KDM4B: variants seen among roughly 807,000 people sequenced by gnomAD.
The protein encoded by KDM4B is lysine demethylase 4B.
Under a neutral mutation model 125.2 loss-of-function variants are expected in KDM4B, and 32 were observed. That is an observed-to-expected ratio of 0.26 (90% CI 0.19 to 0.34). The LOEUF is 0.34. Ranked by LOEUF, KDM4B falls within the 10% of genes least tolerant of loss-of-function variation. The pLI, the probability that KDM4B is intolerant of heterozygous loss-of-function variation, is 1.00. For synonymous variants in KDM4B, 721 were observed against 677.9 expected (o/e 1.06, Z -0.99); for missense variants, 1,190 against 1,577.7 (o/e 0.75, Z 4.16).
intron 1 of KDM4B, among the ~76,000 whole-genome samples, chr19:4,990,257 T>C (rs2034990766): frequency 1.3e-5 from 2 of 152,174 alleles, no homozygotes; most frequent in Admixed American, 1.3e-4. Context: ...ACCAGTGTGC[T>C]CCAGCCTGGG....
At chr19:4,987,720 C>T (rs1026243319) in intron 1 of KDM4B, among the ~76,000 whole-genome samples, 2 of 152,172 alleles carry the variant, frequency 1.3e-5, no homozygotes, top group African/African-American at 4.8e-5. Context: ...CCACTGCGCC[C>T]GGCCAGTATA....
At chr19:5,101,530 G>GA (rs941060505) in intron 9 of KDM4B, among the ~76,000 whole-genome samples, 86 of 140,412 alleles carry the variant, frequency 6.1e-4, no homozygotes, top group South Asian at 8.9e-4. Context: ...AAGACTGTCT[G>GA]AAAAAAAAAA....
At position 5,082,529 on chromosome 19, in the gene KDM4B, G is replaced by A. The variant is rs370687908; in HGVS notation, c.918+25G>A. 1 of 1,561,038 alleles carries A rather than the reference G, an allele frequency of 6.4e-7. No homozygotes were observed. Among genetic ancestry groups the A allele is most frequent in the Non-Finnish European group, 8.7e-7 (1 of 1,155,798 alleles). On this transcript the variant is annotated intron_variant, in intron 9 of 22. Transcript: ENST00000159111. This position sits in a 1 kb window ranked among gnomAD's most constrained non-coding sequence, Gnocchi z 5.4. ...GGTAAAAGCTTGCCTGCTGGGAACG[G>A]GTCCCAGCAGGGCGGGAGGAGGCTC... is the stretch of plus-strand genomic sequence containing the variant.
At chr19:5,137,772 C>T in intron 17 of KDM4B, 96 bp downstream of exon 17, 2 of 1,225,926 alleles carry the variant, frequency 1.6e-6, no homozygotes, top group Non-Finnish European at 2.3e-6. Context: ...AGGGGTTGAC[C>T]ATCACCTCCA....
intron 5 of KDM4B, among the ~76,000 whole-genome samples, chr19:5,041,651 G>A (rs921865159): frequency 1.3e-5 from 2 of 152,240 alleles, no homozygotes; most frequent in Non-Finnish European, 2.9e-5. Context: ...CTTGGGCTCA[G>A]GGCCCGGAGA....
intron 1 of KDM4B, among the ~76,000 whole-genome samples, chr19:4,987,429 ATCTG>A (rs2034875622): frequency 1.3e-5 from 2 of 151,752 alleles, no homozygotes; most frequent in Admixed American, 6.6e-5. Context: ...CAGGGCTGGA[ATCTG>A]TCTGGGAGGA....
At position 5,119,297 on chromosome 19, in the gene KDM4B, G is replaced by A. The variant is rs1034341916; in HGVS notation, c.1116-356G>A. On this transcript the variant is annotated intron_variant, in intron 10 of 22. Coordinates refer to ENST00000159111, the MANE Select transcript of KDM4B (RefSeq NM_015015.3). ...GTTTCCCTCGGAGCTCACACTCCCT[G>A]TGTCTCTGTCCCGTGGCACACGCGG... 105 of 1,023,814 alleles carry A rather than the reference G, an allele frequency of 1.0e-4. No individual in the cohort carries two copies. In the African/African-American group the frequency reaches 1.4e-3, roughly 14 times the overall value. 63.4% of individuals were successfully genotyped at this position (1,023,814 alleles called of 1,614,324 possible).
At chr19:4,972,823 G>A (rs778187330) in intron 1 of KDM4B, among the ~76,000 whole-genome samples, 2 of 152,212 alleles carry the variant, frequency 1.3e-5, no homozygotes, top group African/African-American at 2.4e-5. Context: ...CTGTCCTTCT[G>A]CCCTTCCAGG....
At chr19:5,103,144 G>A (rs1031394587) in intron 9 of KDM4B, among the ~76,000 whole-genome samples, 1 of 152,102 alleles carries the variant, frequency 6.6e-6, no homozygotes, top group Admixed American at 6.5e-5. Flanking sequence ...CAGAGCCCAG[G>A]GCCAATGTGT....
intron 2 of KDM4B, among the ~76,000 whole-genome samples, chr19:5,016,723 C>T (rs1226076311): frequency 2.0e-5 from 3 of 152,224 alleles, no homozygotes; most frequent in Admixed American, 6.5e-5. Flanking sequence ...CCCCCACACA[C>T]TGTCAGAAGT....
chr19:5,077,651 A>G (rs756640037), intron 8 of KDM4B, 181 bp downstream of exon 8: 1 of 581,176 alleles, frequency 1.7e-6, no homozygotes, highest in Non-Finnish European at 3.0e-6. Flanking sequence ...TCCACGGGGA[A>G]GCGAAGATGG....
At chr19:5,047,775 A>G in intron 6 of KDM4B, 106 bp downstream of exon 6, 2 of 1,100,430 alleles carry the variant, frequency 1.8e-6, no homozygotes, top group Non-Finnish European at 1.3e-6. Flanking sequence ...CCACCAGGTG[A>G]GGCCGCAAAG....
At chr19:5,105,317 A>G (rs1171765894) in intron 9 of KDM4B, among the ~76,000 whole-genome samples, 2 of 152,224 alleles carry the variant, frequency 1.3e-5, no homozygotes, top group Non-Finnish European at 2.9e-5. Context: ...CAACAGACAC[A>G]CCTGCGATTG....
chr19:5,116,082 A>G (rs1158759558), intron 10 of KDM4B, among the ~76,000 whole-genome samples: 2 of 152,104 alleles, frequency 1.3e-5, no homozygotes, highest in Non-Finnish European at 1.5e-5. Context: ...GAAAGCTTCC[A>G]GAGCAAACAG....
At chr19:5,110,365 G>A (rs1393798612) in intron 9 of KDM4B, among the ~76,000 whole-genome samples, 2 of 152,170 alleles carry the variant, frequency 1.3e-5, no homozygotes, top group African/African-American at 4.8e-5. Flanking sequence ...CCAGCTACTT[G>A]GGAGGCTGAG....
At chr19:5,069,945 G>A (rs928044974) in intron 6 of KDM4B, among the ~76,000 whole-genome samples, 1 of 152,168 alleles carries the variant, frequency 6.6e-6, no homozygotes, top group Non-Finnish European at 1.5e-5. Flanking sequence ...CTTTCAGCTG[G>A]AAGGGGCTGT....
chr19:5,136,009 G>A (rs778404072), intron 15 of KDM4B, among the ~76,000 whole-genome samples: 45 of 152,236 alleles, frequency 3.0e-4, no homozygotes, highest in African/African-American at 5.5e-4. Flanking sequence ...CAGGCACCCC[G>A]TCTCTCCGCA....
intron 9 of KDM4B, among the ~76,000 whole-genome samples, chr19:5,099,664 A>G (rs961090419): frequency 6.6e-6 from 1 of 152,302 alleles, no homozygotes; most frequent in South Asian, 2.1e-4. Flanking sequence ...ACAGGCAGTA[A>G]AGTTTTGAGA....
chr19:5,116,859 C>T (rs916159420), intron 10 of KDM4B, among the ~76,000 whole-genome samples: 4 of 152,228 alleles, frequency 2.6e-5, no homozygotes, highest in South Asian at 2.1e-4. Context: ...GAGAAGGGGA[C>T]GGTCATGGAG....
Sources: allele counts gnomAD v4.1 joint callset (sites outside exome capture counted in the v4.1 genomes callset), GRCh38; gene constraint gnomAD v4.1.1; non-coding constraint Gnocchi (gnomAD v3.1); transcripts MANE v1.5; gene names NCBI Gene and HGNC (gene_info 2026-07-23, HGNC 2026-07-21).